ANKRD28: variants seen among roughly 807,000 people sequenced by gnomAD.
ANKRD28 encodes ankyrin repeat domain 28.
ANKRD28 carries 44 observed loss-of-function variants against 126.5 expected under a neutral mutation model. The observed-to-expected ratio is 0.35, with a 90% CI of 0.27 to 0.45. The LOEUF (loss-of-function observed/expected upper bound fraction) is 0.45. Ranked by LOEUF, ANKRD28 falls within the 20% of genes least tolerant of loss-of-function variation. The probability of loss-of-function intolerance (pLI) is 1.00; values close to 1 mark genes in which losing one functional copy is unlikely to be tolerated. For synonymous variants in ANKRD28, 442 were observed against 468.5 expected, an observed-to-expected ratio of 0.94 and a Z score of 0.73; for missense variants, 1,110 against 1,316.6, an observed-to-expected ratio of 0.84 and a Z score of 2.43.
intron 4 of ANKRD28, among the ~76,000 whole-genome samples, chr3:15,748,372 T>C (rs961355293): frequency 2.0e-5 from 3 of 152,242 alleles, no homozygotes; most frequent in African/African-American, 7.2e-5. Flanking sequence ...TAGCAGTTCT[T>C]GTAGCGCTGG....
intron 14 of ANKRD28, among the ~76,000 whole-genome samples, chr3:15,705,199 G>A (rs112034624): frequency 1.3e-5 from 2 of 152,058 alleles, no homozygotes; most frequent in Non-Finnish European, 2.9e-5. Context: ...GCTCAAAACC[G>A]TTTATATTCA....
At chr3:15,768,418 G>T (rs953834104) in intron 2 of ANKRD28, among the ~76,000 whole-genome samples, 1 of 152,126 alleles carries the variant, frequency 6.6e-6, no homozygotes, top group African/African-American at 2.4e-5. Context: ...AGGCTGTGGT[G>T]GGAGGATCAC....
upstream of ANKRD28, among the ~76,000 whole-genome samples, chr3:15,799,966 C>T (rs2060429033): frequency 6.6e-6 from 1 of 151,916 alleles, no homozygotes; most frequent in Admixed American, 6.6e-5. Flanking sequence ...TATATTTTAA[C>T]CAGAAAATAT....
chr3:15,812,082 G>C lies in ANKRD28; in HGVS notation c.28-16776C>G, dbSNP rs1317651742. Among the ~76,000 whole-genome samples, 1 of 151,978 alleles carries C rather than the reference G, an allele frequency of 6.6e-6. No homozygotes were observed. Among genetic ancestry groups the C allele is most frequent in the Admixed American group, 6.6e-5 (1 of 15,250 alleles). ...GTCGGAGAATCGCTTGAACCCAGGAGGCTGAGGTTGCAGTGAGCTGAGATT... is the reference window on the plus strand; with the variant it reads ...GTCGGAGAATCGCTTGAACCCAGGACGCTGAGGTTGCAGTGAGCTGAGATT... On this transcript the variant is annotated intron_variant, in intron 1 of 27. Transcript: ENST00000399451. The surrounding 1 kb of genome is among the most constrained non-coding windows in gnomAD (Gnocchi z 4.1).
At chr3:15,721,742 G>T (rs532747338) in intron 7 of ANKRD28, among the ~76,000 whole-genome samples, 1 of 152,008 alleles carries the variant, frequency 6.6e-6, no homozygotes, top group Non-Finnish European at 1.5e-5. Flanking sequence ...TGTAATTAAG[G>T]GTTTTGCTTT....
At chr3:15,680,144 C>T (rs2067386839) in intron 21 of ANKRD28, among the ~76,000 whole-genome samples, 1 of 152,020 alleles carries the variant, frequency 6.6e-6, no homozygotes, top group Non-Finnish European at 1.5e-5. Flanking sequence ...ATGTTTAATT[C>T]CGCAACTTGC....
intron 24 of ANKRD28, 100 bp downstream of exon 24, chr3:15,678,109 G>A: frequency 8.5e-7 from 1 of 1,183,282 alleles, no homozygotes; most frequent in Admixed American, 2.7e-5. Context: ...AGTCTTAGGA[G>A]TGGTAAGATA....
chr3:15,718,943 T>C (rs2073389655), intron 8 of ANKRD28, among the ~76,000 whole-genome samples: 1 of 152,178 alleles, frequency 6.6e-6, no homozygotes, highest in Non-Finnish European at 1.5e-5. Context: ...TGTCTAGATA[T>C]TTTTCTGGGC....
At chr3:15,724,183 C>T (rs1193563891) in intron 7 of ANKRD28, among the ~76,000 whole-genome samples, 199 bp downstream of exon 7, 1 of 152,100 alleles carries the variant, frequency 6.6e-6, no homozygotes, top group East Asian at 1.9e-4. Flanking sequence ...TGTATTTTAC[C>T]TCTTAACATG....
intron 1 of ANKRD28, among the ~76,000 whole-genome samples, chr3:15,821,863 T>C (rs1362231068): frequency 6.6e-6 from 1 of 152,148 alleles, no homozygotes; most frequent in Non-Finnish European, 1.5e-5. Context: ...CCCTGAAGGA[T>C]TGGGTCAAGG....
At chr3:15,767,380 G>C (rs1406683729) in intron 2 of ANKRD28, among the ~76,000 whole-genome samples, 2 of 152,110 alleles carry the variant, frequency 1.3e-5, no homozygotes, top group Non-Finnish European at 1.5e-5. Flanking sequence ...TTTTGTGACA[G>C]ATAGTTAGTT....
intron 3 of ANKRD28, among the ~76,000 whole-genome samples, chr3:15,752,064 T>C (rs1467609487): frequency 6.6e-6 from 1 of 152,150 alleles, no homozygotes; most frequent in Non-Finnish European, 1.5e-5. Flanking sequence ...CATCATTTTA[T>C]ATATAGGTTA....
chr3:15,842,806 T>C (rs1272135297), intron 1 of ANKRD28, among the ~76,000 whole-genome samples: 1 of 152,186 alleles, frequency 6.6e-6, no homozygotes, highest in African/African-American at 2.4e-5. Context: ...ATATTTAAAC[T>C]TGACATATGC....
chr3:15,747,063 T>C (rs749278596), intron 4 of ANKRD28, among the ~76,000 whole-genome samples: 114 of 152,226 alleles, frequency 7.5e-4, no homozygotes, highest in Non-Finnish European at 6.3e-4. Context: ...TCATTTCTAA[T>C]TGAGCTTATT....
At chr3:15,670,957 AAT>A (rs1217655212) in intron 27 of ANKRD28, among the ~76,000 whole-genome samples, 1 of 152,218 alleles carries the variant, frequency 6.6e-6, no homozygotes, top group Non-Finnish European at 1.5e-5. Flanking sequence ...GGTAAGAAAA[AAT>A]AAAAAAATTT....
intron 1 of ANKRD28, among the ~76,000 whole-genome samples, chr3:15,826,298 T>A (rs1243801032): frequency 6.6e-6 from 1 of 152,216 alleles, no homozygotes; most frequent in African/African-American, 2.4e-5. Context: ...ACGCACAGAT[T>A]GTGTAGTGGT....
intron 1 of ANKRD28, among the ~76,000 whole-genome samples, chr3:15,821,759 C>T (rs2060946001): frequency 6.6e-6 from 1 of 152,178 alleles, no homozygotes; most frequent in African/African-American, 2.4e-5. Context: ...ATGATAGCAG[C>T]CCACATCTGG....
intron 1 of ANKRD28, among the ~76,000 whole-genome samples, chr3:15,803,303 T>C (rs1183036175): frequency 6.6e-6 from 1 of 152,058 alleles, no homozygotes; most frequent in Non-Finnish European, 1.5e-5. Context: ...TAGGACATGA[T>C]CATATAGGTG....
intron 4 of ANKRD28, among the ~76,000 whole-genome samples, chr3:15,741,150 G>A (rs2075435075): frequency 6.6e-6 from 1 of 151,938 alleles, no homozygotes; most frequent in East Asian, 1.9e-4. Context: ...AGTGAGCCGA[G>A]ATCGCGCCAT....
Sources: gnomAD v4.1 joint callset for allele counts (sites outside exome capture counted in the v4.1 genomes callset) on GRCh38, gnomAD v4.1.1 for gene constraint, Gnocchi (gnomAD v3.1) non-coding constraint, MANE v1.5 for transcripts, NCBI Gene and HGNC (gene_info 2026-07-23, HGNC 2026-07-21) for gene names.